The following AKR7A3 variants were observed in gnomAD, a reference collection of about 807,000 sequenced individuals.
AKR7A3 encodes aldo-keto reductase family 7 member A3, also known as AFB1 aldehyde reductase 2.
A neutral mutation model predicts 32.5 loss-of-function variants in AKR7A3; 37 were observed. That is an observed-to-expected ratio of 1.14 (90% CI 0.88 to 1.50). The LOEUF is 1.50. Ranked by LOEUF, AKR7A3 falls within the 40% of genes most tolerant of loss-of-function variation. The pLI is 0.00. For synonymous variants in AKR7A3, 177 were observed against 188.4 expected, an observed-to-expected ratio of 0.94 and a Z score of 0.50; for missense variants, 412 against 453.2, an observed-to-expected ratio of 0.91 and a Z score of 0.83.
intron 1 of AKR7A3, 140 bp downstream of exon 1, chr1:19,288,356 G>A (rs2093734632): frequency 5.6e-6 from 6 of 1,074,954 alleles, no homozygotes; most frequent in Admixed American, 5.5e-5. Flanking sequence ...TCCCAAGGCT[G>A]CGAGGTGAAC....
At chr1:19,281,273 A>G (rs748447670), downstream of AKR7A3, among the ~76,000 whole-genome samples, 4 of 151,850 alleles carry the variant, frequency 2.6e-5, no homozygotes, top group Admixed American at 6.6e-5. Context: ...TTTTTCAAGC[A>G]TGTTTTGGGT....
the AKR7A3 span, among the ~76,000 whole-genome samples, chr1:19,276,694 C>T: frequency 6.6e-6 from 1 of 151,374 alleles, no homozygotes; most frequent in Admixed American, 6.6e-5. Context: ...CTCAGCTACT[C>T]GAGAGGCTGA....
Position 19,283,984 on chromosome 1 carries a change from G to C in AKR7A3, c.834+12C>G, listed in dbSNP as rs777971619. 1 of 1,612,746 alleles carries C rather than the reference G, an allele frequency of 6.2e-7. No individual in the cohort carries two copies. On this transcript the variant is annotated intron_variant, in intron 6 of 6. Transcript: ENST00000361640. ...GAAGGGAAGAAGCTGAGCGCACAGGGTCACTGGTTACCTGCAGCTGTGAGT... is the reference window on the plus strand; with the variant it reads ...GAAGGGAAGAAGCTGAGCGCACAGGCTCACTGGTTACCTGCAGCTGTGAGT...
chr1:19,274,908 A>AAAAAAAAAAAAAAAAAAAAAAAAC, the AKR7A3 span, among the ~76,000 whole-genome samples: 2 of 147,862 alleles, frequency 1.4e-5, no homozygotes, highest in East Asian at 1.9e-4. Context: ...ACAAAAAAAA[A>AAAAAAAAAAAAAAAAAAAAAAAAC]AAAAAAAGAC....
chr1:19,285,991 C>G lies in AKR7A3; in HGVS notation c.404G>C (p.Gly135Ala), dbSNP rs772795654. Residue 135 changes from glycine to alanine, a missense_variant and splice_region_variant, in exon 3 of 7, where the codon GGC (glycine) becomes GCC (alanine). Gly to Ala is a moderately conservative substitution (Grantham distance 60, BLOSUM62 0). Transcript: ENST00000361640. ...GGAGAGGCCAAGCTCCACGAACTTG[C>G]CCTGCTCAGGTGAGGCTCCAGTCAG... ...LRACHQLHQEGKFVELGLSNY... is the reference protein window; with the variant it reads ...LRACHQLHQEAKFVELGLSNY... 3 of 1,613,658 alleles carry G rather than the reference C, an allele frequency of 1.9e-6. No homozygotes were observed. The South Asian group carries it at 3.3e-5, about 18-fold the overall frequency.
downstream of AKR7A3, among the ~76,000 whole-genome samples, chr1:19,278,838 T>C (rs752889826): frequency 2.6e-5 from 4 of 151,940 alleles, no homozygotes; most frequent in Non-Finnish European, 5.9e-5. Context: ...GATTTGCCTA[T>C]TCTGGACATT....
In AKR7A3 at chr1:19,286,386, G is replaced by T. The variant is rs2093730069; in HGVS notation, c.215-14C>A. On this transcript the variant is annotated splice_polypyrimidine_tract_variant and intron_variant, in intron 1 of 6. Transcript: ENST00000361640. ...TATCAATTTTCACTGAGAGGAAAGA[G>T]AAATGAAATTCAGGGCCAGGCGCCG... 6.2e-7 allele frequency: 1 copy of T among 1,612,230 alleles called. No individual in the cohort carries two copies. Among genetic ancestry groups the T allele is most frequent in the Admixed American group, 1.7e-5 (1 of 59,898 alleles).
At chr1:19,276,595 C>T in the AKR7A3 span, among the ~76,000 whole-genome samples, 3 of 149,592 alleles carry the variant, frequency 2.0e-5, no homozygotes, top group African/African-American at 7.4e-5. Flanking sequence ...TGAGGTCAGG[C>T]GTTCCAGATC....
chr1:19,285,233 C>T lies in AKR7A3; in HGVS notation c.508-119G>A, dbSNP rs549189730. On this transcript the variant is annotated intron_variant, in intron 3 of 6. Transcript: ENST00000361640. ...AATTCTAGGACTTTAACCGTCTGGG[C>T]GTATACTTATTCTAACTGGTGCTGG... 22 of 943,926 alleles carry T rather than the reference C, an allele frequency of 2.3e-5. 1 individual carries two copies. The South Asian group carries it at 3.0e-4, about 13-fold the overall frequency. The allele number at this position is 943,926 out of a possible 1,614,324, so 58.5% of individuals were successfully genotyped here. A position where few individuals can be genotyped will look rare whatever the true frequency, so the allele number is the denominator to read the frequency against.
At chr1:19,283,057 G>A (rs530309795) in intron 6 of AKR7A3, among the ~76,000 whole-genome samples, 165 bp from the exon 7 acceptor site, 1 of 146,970 alleles carries the variant, frequency 6.8e-6, no homozygotes, top group African/African-American at 2.5e-5. Context: ...CGCAAAACCT[G>A]TATCCCTTCC....
the AKR7A3 span, among the ~76,000 whole-genome samples, chr1:19,274,897 T>TAAAAAAAAAAAAAAAAAAAA: frequency 3.2e-4 from 2 of 6,156 alleles, no homozygotes; most frequent in African/African-American, 5.8e-4. Flanking sequence ...TGTCTCTAAA[T>TAAAAAAAAAAAAAAAAAAAA]ACAAAAAAAA....
chr1:19,280,955 C>G (rs2093717965), downstream of AKR7A3, among the ~76,000 whole-genome samples: 1 of 151,888 alleles, frequency 6.6e-6, no homozygotes, highest in Admixed American at 6.5e-5. Context: ...CTGCTGGACT[C>G]TAAATTCTAG....
intron 3 of AKR7A3, among the ~76,000 whole-genome samples, chr1:19,285,625 G>A (rs1404442496): frequency 6.6e-6 from 1 of 151,770 alleles, no homozygotes; most frequent in African/African-American, 2.4e-5. Flanking sequence ...GGTGGTGGGG[G>A]AAGGGCTTGT....
downstream of AKR7A3, among the ~76,000 whole-genome samples, chr1:19,282,119 T>G (rs561215650): frequency 2.0e-5 from 3 of 151,960 alleles, no homozygotes; most frequent in African/African-American, 7.3e-5. Flanking sequence ...ACATGACATT[T>G]GCGGGGGGGT....
intron 3 of AKR7A3, 95 bp from the exon 4 acceptor site, chr1:19,285,209 AT>A: frequency 3.4e-6 from 4 of 1,177,176 alleles, no homozygotes; most frequent in Non-Finnish European, 5.0e-6. Flanking sequence ...GACCTTAACA[AT>A]TCTAGGACTT....
chr1:19,278,653 T>C (rs2093714526), downstream of AKR7A3, among the ~76,000 whole-genome samples: 1 of 151,958 alleles, frequency 6.6e-6, no homozygotes, highest in Non-Finnish European at 1.5e-5. Flanking sequence ...CTTAAAGTGA[T>C]GATTTAATGC....
downstream of AKR7A3, among the ~76,000 whole-genome samples, chr1:19,277,741 G>A (rs59402723): frequency 1.5e-4 from 23 of 151,936 alleles, no homozygotes; most frequent in East Asian, 5.8e-4. Context: ...GGCTGGTCTC[G>A]AACTCCTGGC....
intron 3 of AKR7A3, among the ~76,000 whole-genome samples, 193 bp downstream of exon 3, chr1:19,285,695 G>C (rs1281137156): frequency 2.6e-5 from 4 of 151,598 alleles, no homozygotes; most frequent in African/African-American, 9.8e-5. Flanking sequence ...AGATAGGCAG[G>C]AAGGAAGCAG....
rs1245679312 is a variant in AKR7A3 at position 19,288,476 on chromosome 1, G to A, written c.214+20C>T. ...CTCAGCTCTGCACCGTGCAGGGGGA[G>A]GATCAGGGGCCACTGTTACCTCTGC... On this transcript the variant is annotated intron_variant, in intron 1 of 6. Transcript: ENST00000361640. The A allele has an allele frequency of 1.6e-5, 25 of 1,609,106 alleles. No individual in the cohort carries two copies. Among genetic ancestry groups the A allele is most frequent in the Non-Finnish European group, 2.0e-5 (23 of 1,178,864 alleles).
Sources: gnomAD v4.1 joint callset for allele counts (sites outside exome capture counted in the v4.1 genomes callset) on GRCh38, gnomAD v4.1.1 for gene constraint, MANE v1.5 for transcripts, NCBI Gene and HGNC (gene_info 2026-07-23, HGNC 2026-07-21) for gene names.